The following CACNB2 variants were observed in gnomAD, a reference collection of about 807,000 sequenced individuals.
CACNB2 encodes voltage-dependent L-type calcium channel subunit beta-2.
A neutral mutation model predicts 73.3 loss-of-function variants in CACNB2; 42 were observed. The observed-to-expected ratio is 0.57, with a 90% CI of 0.45 to 0.74. The LOEUF is 0.74. Ranked by LOEUF, CACNB2 falls within the 30% of genes least tolerant of loss-of-function variation. CACNB2 has a pLI of 0.00. For synonymous variants in CACNB2, 348 were observed against 310.3 expected (o/e 1.12, Z -1.28); for missense variants, 940 against 853.0 (o/e 1.10, Z -1.27).
chr10:18,154,562 G>A (rs1287737994), intron 2 of CACNB2, among the ~76,000 whole-genome samples: 1 of 152,046 alleles, frequency 6.6e-6, no homozygotes, highest in East Asian at 1.9e-4. Context: ...CCATCTCCTG[G>A]GTTTAAGTAG....
At position 18,543,423 on chromosome 10, in the gene CACNB2, T is replaced by C. The variant is rs2054145184; in HGVS notation, c.*3699T>C. ...CTGCTGCGCTGTACTTTTAACTATT[T>C]GTACTTTGCTTCATTATTTAAAACA... is the stretch of plus-strand genomic sequence containing the variant. On this transcript the variant is annotated 3_prime_UTR_variant, in exon 14 of 14. Coordinates refer to ENST00000324631, the MANE Select transcript of CACNB2 (RefSeq NM_201596.3). The C allele has an allele frequency of 5.3e-5, 8 of 152,244 alleles. No homozygotes were observed. The highest frequency in any genetic ancestry group is 5.2e-4 in the Admixed American group (8 of 15,284). The allele number at this position is 152,244 out of a possible 1,614,324, so 9.4% of individuals were successfully genotyped here. A position where few individuals can be genotyped will look rare whatever the true frequency, so the allele number is the denominator to read the frequency against.
chr10:18,469,996 C>T (rs777978691), intron 3 of CACNB2, among the ~76,000 whole-genome samples: 1 of 152,052 alleles, frequency 6.6e-6, no homozygotes, highest in Admixed American at 6.6e-5. Context: ...TAATTATACT[C>T]ATATTTTTTC....
chr10:18,368,559 A>T (rs887631317), intron 2 of CACNB2, among the ~76,000 whole-genome samples: 13 of 152,216 alleles, frequency 8.5e-5, no homozygotes, highest in South Asian at 2.1e-4. Flanking sequence ...AAAAAGGAAA[A>T]AAGTATTTTG....
intron 3 of CACNB2, among the ~76,000 whole-genome samples, chr10:18,419,280 C>T (rs944675101): frequency 6.6e-6 from 1 of 152,128 alleles, no homozygotes; most frequent in African/African-American, 2.4e-5. Context: ...GTATAGAAAC[C>T]CTTTAATAAG....
intron 5 of CACNB2, among the ~76,000 whole-genome samples, chr10:18,504,467 G>A (rs542894863): frequency 2.2e-4 from 33 of 152,154 alleles, no homozygotes; most frequent in Non-Finnish European, 4.4e-4. Context: ...TGAGTTATCC[G>A]TATTTGAGGG....
At chr10:18,500,055 G>A (rs1431578148) in intron 4 of CACNB2, among the ~76,000 whole-genome samples, 3 of 152,096 alleles carry the variant, frequency 2.0e-5, no homozygotes, top group Non-Finnish European at 2.9e-5. Context: ...GGCTAGGTGG[G>A]AACAATAGAA....
At chr10:18,333,759 T>C (rs545310433) in intron 2 of CACNB2, among the ~76,000 whole-genome samples, 64 of 152,296 alleles carry the variant, frequency 4.2e-4, no homozygotes, top group African/African-American at 1.5e-3. Context: ...AAACTCTAAA[T>C]TGGGGTGTGA....
At chr10:18,462,257 G>GTTGATTGA (rs769468627) in intron 3 of CACNB2, among the ~76,000 whole-genome samples, 2 of 152,122 alleles carry the variant, frequency 1.3e-5, no homozygotes, top group Non-Finnish European at 2.9e-5. Context: ...GCGCTGGTTG[G>GTTGATTGA]TTGATTGATT....
At chr10:18,369,778 A>G (rs7072277) in intron 2 of CACNB2, among the ~76,000 whole-genome samples, 81,507 of 151,926 alleles carry the variant, frequency 0.54, 22,403 homozygotes, top group East Asian at 0.91. Context: ...GTGGTGGCAC[A>G]TACCTGTAGT....
intron 2 of CACNB2, among the ~76,000 whole-genome samples, chr10:18,309,767 G>A (rs2039887876): frequency 6.6e-6 from 1 of 151,994 alleles, no homozygotes; most frequent in African/African-American, 2.4e-5. Context: ...CAGAAAATGT[G>A]GGTTTTATTT....
At chr10:18,449,619 C>T (rs920784512) in intron 3 of CACNB2, among the ~76,000 whole-genome samples, 1 of 152,198 alleles carries the variant, frequency 6.6e-6, no homozygotes, top group Non-Finnish European at 1.5e-5. Context: ...CTCCATTTTA[C>T]AGTTAAAGAA....
At chr10:18,431,980 G>T (rs1278251894) in intron 3 of CACNB2, among the ~76,000 whole-genome samples, 1 of 152,178 alleles carries the variant, frequency 6.6e-6, no homozygotes, top group African/African-American at 2.4e-5. Context: ...GGCCAGGCTG[G>T]TCTCGAACTC....
chr10:18,399,407 C>T (rs931488631), intron 2 of CACNB2, among the ~76,000 whole-genome samples: 6 of 152,152 alleles, frequency 3.9e-5, no homozygotes, highest in African/African-American at 9.7e-5. Flanking sequence ...TAATTTACGT[C>T]AAGATACCAC....
At chr10:18,409,539 G>A (rs2044497849) in intron 3 of CACNB2, among the ~76,000 whole-genome samples, 1 of 152,182 alleles carries the variant, frequency 6.6e-6, no homozygotes, top group Admixed American at 6.5e-5. Context: ...TGAAGTTTCG[G>A]GAAAGGCCAT....
intron 2 of CACNB2, among the ~76,000 whole-genome samples, chr10:18,393,775 C>A (rs1165077962): frequency 2.6e-5 from 4 of 152,140 alleles, no homozygotes; most frequent in Non-Finnish European, 5.9e-5. Context: ...AATCTACTTT[C>A]CCTTGTAGAT....
intron 2 of CACNB2, among the ~76,000 whole-genome samples, chr10:18,222,125 C>T (rs1034303302): frequency 2.6e-5 from 4 of 152,158 alleles, no homozygotes; most frequent in African/African-American, 9.7e-5. Context: ...ACACCTGTGA[C>T]GTGTCCTGCC....
chr10:18,203,417 T>C (rs1250562737), intron 2 of CACNB2, among the ~76,000 whole-genome samples: 1 of 152,216 alleles, frequency 6.6e-6, no homozygotes, highest in Non-Finnish European at 1.5e-5. Context: ...AGCTTTCTCT[T>C]GTCCTTTGTA....
intron 3 of CACNB2, among the ~76,000 whole-genome samples, chr10:18,453,019 C>G (rs938833782): frequency 1.3e-5 from 2 of 152,200 alleles, no homozygotes; most frequent in Non-Finnish European, 2.9e-5. Flanking sequence ...CCGAAAGCAT[C>G]CTCGATTCCT....
chr10:18,290,258 C>T (rs1186238576), intron 2 of CACNB2, among the ~76,000 whole-genome samples: 1 of 151,350 alleles, frequency 6.6e-6, no homozygotes, highest in African/African-American at 2.4e-5. Flanking sequence ...AACTCCTGAC[C>T]TCAGGTGATC....
Sources: allele counts gnomAD v4.1 joint callset (sites outside exome capture counted in the v4.1 genomes callset), GRCh38; gene constraint gnomAD v4.1.1; transcripts MANE v1.5; gene names NCBI Gene and HGNC (gene_info 2026-07-23, HGNC 2026-07-21).